The following SCRIB variants were observed in gnomAD, a reference collection of about 807,000 sequenced individuals.
The protein encoded by SCRIB is protein scribble homolog.
A neutral mutation model predicts 170.0 loss-of-function variants in SCRIB; 72 were observed. The observed-to-expected ratio is 0.42, with a 90% CI of 0.35 to 0.52. SCRIB has a LOEUF of 0.52. SCRIB is among the 20% of genes least tolerant of loss of function. The pLI is 0.02. For synonymous variants in SCRIB, 1,298 were observed against 1,044.3 expected (o/e 1.24, Z -4.68); for missense variants, 2,475 against 2,338.5 (o/e 1.06, Z -1.20).
intron 18 of SCRIB, among the ~76,000 whole-genome samples, chr8:143,806,170 T>G (rs1177054551): frequency 6.6e-6 from 1 of 152,040 alleles, no homozygotes; most frequent in Non-Finnish European, 1.5e-5. Flanking sequence ...AGAACAAAGA[T>G]GAGCAATCAG....
rs1814714820 is a variant in SCRIB at position 143,792,140 on chromosome 8, A to C, written c.4515-7T>G. ...CTGTTCCAATGACTTCATCCTGCAGAGAACAGCGGGCAGGGGTGACTTGGG... is the reference window on the plus strand; with the variant it reads ...CTGTTCCAATGACTTCATCCTGCAGCGAACAGCGGGCAGGGGTGACTTGGG... On this transcript the variant is annotated splice_region_variant and splice_polypyrimidine_tract_variant and intron_variant, in intron 32 of 36. Coordinates refer to ENST00000356994, the MANE Select transcript of SCRIB (RefSeq NM_182706.5). 1 of 1,564,682 alleles carries C rather than the reference A, an allele frequency of 6.4e-7. No homozygotes were observed. The highest frequency in any genetic ancestry group is 2.3e-5 in the East Asian group (1 of 44,322).
In SCRIB at chr8:143,792,341, G is replaced by A. The variant is rs782159390; in HGVS notation, c.4393C>T (p.Arg1465Trp). 10 of 1,542,726 alleles carry A rather than the reference G, an allele frequency of 6.5e-6. No individual in the cohort carries two copies. The highest frequency in any genetic ancestry group is 2.4e-5 in the East Asian group (1 of 42,024). The part of the protein sequence containing the change: ...GAPVRTAKAE[R>W]RHQERLRVQS... ...ACGCGCAGCCGCTCCTGGTGGCGCC[G>A]TTCAGCTTTGGCCGTCCGCACCGGG... The change falls in exon 32 of 37, where the codon CGG (arginine) becomes TGG (tryptophan). Residue 1465 changes from arginine (R) to tryptophan (W), a missense_variant. Physicochemically the swap from Arg to Trp is moderately radical, Grantham distance 101. Transcript: ENST00000356994.
rs782586466 is a variant in SCRIB at position 143,795,108 on chromosome 8, C to T, written c.3776G>A (p.Arg1259Gln). Residue 1259 changes from arginine to glutamine, a missense_variant, in exon 27 of 37, where the codon CGG (arginine) becomes CAG (glutamine). By Grantham distance (43) the Arg-to-Gln change is conservative (BLOSUM62 1). Around this residue, in one of 3 missense-constraint regions of SCRIB, gnomAD observed 1,966 missense variants for 1,742.9 expected, o/e 1.13. Transcript: ENST00000356994. ...WGPEATEAAG[R>Q]GLQPLKLDYR... ...GTCCAGCTTCAGGGGCTGCAGACCC[C>T]GACCCTGGGGGCAGAGTGAACACAG... The T allele has an allele frequency of 2.4e-5, 39 of 1,610,846 alleles. No individual in the cohort carries two copies. Among genetic ancestry groups the T allele is most frequent in the South Asian group, 4.4e-5 (4 of 90,924 alleles).
chr8:143,812,515 GACCCT>G, intron 8 of SCRIB, 131 bp from the exon 9 acceptor site: 1 of 704,392 alleles, frequency 1.4e-6, no homozygotes, highest in Non-Finnish European at 2.3e-6. Flanking sequence ...ACTTCGGGAG[GACCCT>G]ACCTACCTTG....
In SCRIB at chr8:143,792,728, C is replaced by T. The variant is rs369926247; in HGVS notation, c.4157G>A (p.Arg1386Gln). The T allele has an allele frequency of 3.4e-5, 54 of 1,589,472 alleles. No homozygotes were observed. Among genetic ancestry groups the T allele is most frequent in the Admixed American group, 2.6e-4 (15 of 57,938 alleles). ...RVSLVGADDLRKMQEEEARKL... is the reference protein window; with the variant it reads ...RVSLVGADDLQKMQEEEARKL... ...CTCACCTTCCTCCTCCTGCATCTTC[C>T]GCAGGTCGTCAGCACCCACCAGGGA... The change falls in exon 30 of 37, where the codon CGG (arginine) becomes CAG (glutamine). Residue 1386 changes from arginine to glutamine, a missense_variant. By Grantham distance (43) the Arg-to-Gln change is conservative. This residue lies in a region of SCRIB where 1,966 missense variants were observed against 1,742.9 expected (regional missense o/e 1.13). Transcript: ENST00000356994.
chr8:143,814,203 A>C, intron 1 of SCRIB, 85 bp from the exon 2 acceptor site: 1 of 1,152,492 alleles, frequency 8.7e-7, no homozygotes, highest in Non-Finnish European at 1.3e-6. Flanking sequence ...GTCACAAGTC[A>C]AGAGTCCCTA....
intron 31 of SCRIB, 35 bp from the exon 32 acceptor site, chr8:143,792,440 G>A (rs1554633085): frequency 4.6e-6 from 7 of 1,509,100 alleles, no homozygotes; most frequent in Middle Eastern, 1.9e-4. Flanking sequence ...TGGGGGGCAG[G>A]GGCACGTGGG....
rs1554636586 is a variant in SCRIB at position 143,806,451 on chromosome 8, G to A, written c.2302C>T (p.Pro768Ser). The change falls in exon 18 of 37, where the codon CCT becomes TCT. Residue 768 changes from proline (P) to serine (S), a missense_variant. Pro to Ser is a moderately conservative substitution (Grantham distance 74). Around this residue, in one of 3 missense-constraint regions of SCRIB, gnomAD observed 1,966 missense variants for 1,742.9 expected, o/e 1.13. Transcript: ENST00000356994. ...IFISRVSEEGPAARAGVRVGD... is the reference protein window; with the variant it reads ...IFISRVSEEGSAARAGVRVGD... ...ACACGGACTCCAGCCCGGGCCGCAG[G>A]GCCTTCCTCGGACACCCGAGAGATG... 3.1e-6 allele frequency: 5 copies of A among 1,605,214 alleles called. No homozygotes were observed. Among genetic ancestry groups the A allele is most frequent in the Middle Eastern group, 1.6e-4 (1 of 6,072 alleles).
intron 1 of SCRIB, 43 bp from the exon 2 acceptor site, chr8:143,814,161 C>G (rs1001297016): frequency 1.3e-6 from 2 of 1,485,654 alleles, no homozygotes; most frequent in Non-Finnish European, 1.8e-6. Context: ...GAGACCACTG[C>G]AGAGCAGAGA....
intron 24 of SCRIB, among the ~76,000 whole-genome samples, chr8:143,798,126 G>T (rs782392782): frequency 1.3e-5 from 2 of 152,104 alleles, no homozygotes; most frequent in Non-Finnish European, 2.9e-5. Flanking sequence ...TTCGGTGGCA[G>T]ACGCCTGTAA....
At position 143,791,235 on chromosome 8, in the gene SCRIB, T is replaced by G; in HGVS notation, c.4896A>C (p.Glu1632Asp). The G allele has an allele frequency of 6.7e-7, 1 of 1,487,308 alleles. No individual in the cohort carries two copies. Among genetic ancestry groups the G allele is most frequent in the Non-Finnish European group, 8.9e-7 (1 of 1,117,606 alleles). The allele number at this position is 1,487,308 out of a possible 1,614,324, so 92.1% of individuals were successfully genotyped here. Residue 1632 changes from glutamate to aspartate, a missense_variant, in exon 37 of 37, where the codon GAA (glutamate) becomes GAC (aspartate). Glu to Asp is a conservative substitution (Grantham distance 45). Coordinates refer to ENST00000356994, the MANE Select transcript of SCRIB (RefSeq NM_182706.5). ...GGCGGCTGCTGCACAGTGCCACATCTTCAGGGCCCACAGCGCCGGGTGAGG... is the reference window on the plus strand; with the variant it reads ...GGCGGCTGCTGCACAGTGCCACATCGTCAGGGCCCACAGCGCCGGGTGAGG... ...GRPSPGAVGP[E>D]DVALCSSRRP... is the part of the protein sequence containing the mutation.
chr8:143,813,231 G>C, intron 6 of SCRIB, 80 bp downstream of exon 6: 2 of 1,596,368 alleles, frequency 1.3e-6, no homozygotes. Flanking sequence ...CCTTGCTGTC[G>C]GATCTGCTCG....
At position 143,813,618 on chromosome 8, in the gene SCRIB, C is replaced by A; in HGVS notation, c.446+19G>T. ...CTGGTCCCCCACCCCACCCTAGTTC[C>A]ACCTGAGAAGGCACTCACTTGCCCA... On this transcript the variant is annotated intron_variant, in intron 4 of 36. Coordinates refer to ENST00000356994, the MANE Select transcript of SCRIB (RefSeq NM_182706.5). 6.2e-7 allele frequency: 1 copy of A among 1,612,960 alleles called. No homozygotes were observed. The highest frequency in any genetic ancestry group is 8.5e-7 in the Non-Finnish European group (1 of 1,179,758).
chr8:143,793,433 CAGAGAGAG>C (rs782178689), intron 28 of SCRIB: 4 of 301,174 alleles, frequency 1.3e-5, no homozygotes, highest in Non-Finnish European at 2.5e-5. Context: ...GTGGGAGAGA[CAGAGAGAG>C]AGAGACCGAC....
chr8:143,810,369 T>C, intron 13 of SCRIB, 110 bp downstream of exon 13: 2 of 1,464,652 alleles, frequency 1.4e-6, no homozygotes, highest in East Asian at 4.6e-5. Flanking sequence ...CCTCATCTCC[T>C]GCTCCTTCTC....
chr8:143,797,479 C>T (rs1223797708), intron 24 of SCRIB, among the ~76,000 whole-genome samples: 10 of 152,124 alleles, frequency 6.6e-5, no homozygotes, highest in African/African-American at 1.4e-4. Flanking sequence ...GGCTCACAGG[C>T]GAAGCTGGAT....
chr8:143,791,723 C>T lies in SCRIB; in HGVS notation c.4713G>A (p.Lys1571=). The T allele has an allele frequency of 1.9e-6, 3 of 1,600,592 alleles. No homozygotes were observed. The highest frequency in any genetic ancestry group is 2.6e-6 in the Non-Finnish European group (3 of 1,170,116). ...GGGCCGCAAAGGCCCTGTAGTCAAA[C>T]TTCTTTCCAGACAAGGGCTTGAAAG... ...SPGRLPLSGK[K]FDYRAFAALP... is the part of the protein sequence containing the mutation. Residue 1571 remains lysine, a synonymous_variant, in exon 35 of 37, where the codon AAG becomes AAA. Transcript: ENST00000356994.
chr8:143,792,875 G>C lies in SCRIB; in HGVS notation c.4018-8C>G, dbSNP rs782481334. The C allele has an allele frequency of 2.8e-5, 42 of 1,507,852 alleles. No individual in the cohort carries two copies. The highest frequency in any genetic ancestry group is 6.6e-5 in the South Asian group (5 of 76,150). The allele number at this position is 1,507,852 out of a possible 1,614,324, so 93.4% of individuals were successfully genotyped here. A position where few individuals can be genotyped will look rare whatever the true frequency, so the allele number is the denominator to read the frequency against. ...AGGCCCAGGCGTGGGGGGCTGGGGG[G>C]AGCGGACCTTGAGGTTTGGCTGGCA... On this transcript the variant is annotated splice_region_variant and splice_polypyrimidine_tract_variant and intron_variant, in intron 29 of 36. Coordinates refer to ENST00000356994, the MANE Select transcript of SCRIB (RefSeq NM_182706.5).
chr8:143,794,074 C>A, intron 27 of SCRIB, 112 bp from the exon 28 acceptor site: 1 of 964,590 alleles, frequency 1.0e-6, no homozygotes, highest in Non-Finnish European at 1.6e-6. Context: ...CTTCAGTTCC[C>A]CAACCTGACT....
Sources: gnomAD v4.1 joint callset for allele counts (sites outside exome capture counted in the v4.1 genomes callset) on GRCh38, gnomAD v4.1.1 for gene constraint, gnomAD v4.1.1 regional missense constraint, MANE v1.5 for transcripts, NCBI Gene and HGNC (gene_info 2026-07-23, HGNC 2026-07-21) for gene names.